The following ALG6 variants were observed in gnomAD, a reference collection of about 807,000 sequenced individuals.
The protein encoded by ALG6 is ALG6 alpha-1,3-glucosyltransferase.
A neutral mutation model predicts 66.6 loss-of-function variants in ALG6; 46 were observed. That is an observed-to-expected ratio of 0.69 (90% CI 0.55 to 0.88). The LOEUF (loss-of-function observed/expected upper bound fraction) is 0.88, where lower values mean the gene tolerates loss of function less well. ALG6 is among the 40% of genes least tolerant of loss of function. The pLI is 0.00. For missense variants in ALG6, 505 were observed against 586.8 expected (o/e 0.86, Z 1.44); for synonymous variants, 185 against 203.7 (o/e 0.91, Z 0.78).
At position 63,395,684 on chromosome 1, in the gene ALG6, G is replaced by A. The variant is rs1364285812; in HGVS notation, c.83-829G>A. Among the ~76,000 whole-genome samples the A allele has an allele frequency of 1.3e-5, 2 of 152,188 alleles. 1 individual carries two copies. Among genetic ancestry groups the A allele is most frequent in the Non-Finnish European group, 2.9e-5 (2 of 68,032 alleles). ...CACTCCAGCCTGGGTGACAGAGCAT[G>A]ACTCTGTCTCAAAAAAAAGTCCTTT... On this transcript the variant is annotated intron_variant, in intron 2 of 14. Transcript: ENST00000263440.
rs943684243 is a variant in ALG6 at position 63,412,142 on chromosome 1, G to T, written c.816+81G>T. On this transcript the variant is annotated intron_variant, in intron 9 of 14. Transcript: ENST00000263440. ...AGGGGTTTCATGTAGAAGGTACAAG[G>T]AATAGGAACTTCAGCTACTTTCCTC... The T allele has an allele frequency of 1.4e-5, 22 of 1,581,582 alleles. No individual in the cohort carries two copies. The African/African-American group carries it at 3.0e-4, about 21-fold the overall frequency.
At chr1:63,417,913 A>T (rs1644553033) in intron 11 of ALG6, among the ~76,000 whole-genome samples, 1 of 152,152 alleles carries the variant, frequency 6.6e-6, no homozygotes, top group South Asian at 2.1e-4. Flanking sequence ...AGGCAGGTGG[A>T]TCACCTGAGG....
intron 3 of ALG6, among the ~76,000 whole-genome samples, chr1:63,401,413 C>G (rs916980592): frequency 6.6e-6 from 1 of 152,060 alleles, no homozygotes; most frequent in Non-Finnish European, 1.5e-5. Flanking sequence ...CCCCTGTAAT[C>G]GCAGCACTTT....
chr1:63,431,032 A>G (rs894525447), intron 14 of ALG6, among the ~76,000 whole-genome samples: 1 of 151,832 alleles, frequency 6.6e-6, no homozygotes, highest in Admixed American at 6.6e-5. Flanking sequence ...TATGCCTTTG[A>G]GTTGCTTTGA....
chr1:63,423,841 A>T (rs1313729942), intron 12 of ALG6, among the ~76,000 whole-genome samples: 1 of 152,216 alleles, frequency 6.6e-6, no homozygotes. Flanking sequence ...TCAGGAGTAG[A>T]ATTGCTGAGT....
intron 14 of ALG6, among the ~76,000 whole-genome samples, chr1:63,430,902 T>G (rs1247656198): frequency 6.6e-6 from 1 of 152,224 alleles, no homozygotes; most frequent in Non-Finnish European, 1.5e-5. Context: ...TAACATCCAG[T>G]ATATCTATTT....
At chr1:63,370,729 C>T (rs1258303706) in intron 1 of ALG6, 42 bp from the exon 2 acceptor site, 1 of 499,282 alleles carries the variant, frequency 2.0e-6, no homozygotes. Context: ...GTTGTAGGTA[C>T]TGTACTCAGC....
intron 2 of ALG6, among the ~76,000 whole-genome samples, chr1:63,382,744 C>T (rs1236625075): frequency 2.0e-5 from 3 of 147,514 alleles, no homozygotes; most frequent in Non-Finnish European, 4.5e-5. Context: ...AGCGCGATCT[C>T]GGCTCACTGC....
intron 3 of ALG6, among the ~76,000 whole-genome samples, chr1:63,397,317 C>G (rs1324662175): frequency 6.6e-6 from 1 of 152,020 alleles, no homozygotes; most frequent in East Asian, 1.9e-4. Context: ...TCCCAAGTAT[C>G]TGGGATTGCA....
intron 8 of ALG6, among the ~76,000 whole-genome samples, 162 bp from the exon 9 acceptor site, chr1:63,411,764 T>C (rs980654857): frequency 3.3e-5 from 5 of 152,222 alleles, no homozygotes; most frequent in African/African-American, 1.2e-4. Flanking sequence ...TTGTGAATTT[T>C]TTACCTCTGA....
chr1:63,385,239 A>T (rs1648466144), intron 2 of ALG6, among the ~76,000 whole-genome samples: 1 of 114,182 alleles, frequency 8.8e-6, no homozygotes, highest in Admixed American at 1.3e-4. Flanking sequence ...TCGCTCTGTC[A>T]CCCAGGCTGG....
intron 4 of ALG6, among the ~76,000 whole-genome samples, 176 bp from the exon 5 acceptor site, chr1:63,404,277 G>A (rs1052121253): frequency 6.6e-6 from 1 of 152,130 alleles, no homozygotes; most frequent in African/African-American, 2.4e-5. Context: ...CTGTTTTATA[G>A]CTTAAGTCAG....
intron 3 of ALG6, 100 bp downstream of exon 3, chr1:63,396,697 C>T (rs1302632331): frequency 9.5e-7 from 1 of 1,057,718 alleles, no homozygotes; most frequent in African/African-American, 1.6e-5. Flanking sequence ...TCTTGAACAT[C>T]CTCATCTCTT....
intron 3 of ALG6, among the ~76,000 whole-genome samples, chr1:63,398,974 G>T (rs540320786): frequency 8.2e-4 from 125 of 152,320 alleles, no homozygotes; most frequent in Non-Finnish European, 1.3e-3. Flanking sequence ...TTTGGGCACA[G>T]CTTAGCTAGG....
intron 4 of ALG6, 117 bp downstream of exon 4, chr1:63,402,460 ATT>A (rs760751565): frequency 0.066 from 16,854 of 253,716 alleles, 1 homozygote; most frequent in South Asian, 0.081. Context: ...CTGCTATTGT[ATT>A]TTTTTTTTTT....
chr1:63,399,003 G>A (rs1048941132), intron 3 of ALG6, among the ~76,000 whole-genome samples: 4 of 152,088 alleles, frequency 2.6e-5, no homozygotes, highest in African/African-American at 7.2e-5. Context: ...TCAGAGTTTC[G>A]GGAAGGCTAT....
At chr1:63,378,079 C>A (rs1354637284) in intron 2 of ALG6, among the ~76,000 whole-genome samples, 1 of 152,090 alleles carries the variant, frequency 6.6e-6, no homozygotes, top group East Asian at 1.9e-4. Context: ...TTAGCATTTT[C>A]TGTTCACCCT....
At chr1:63,399,214 G>A (rs1644431167) in intron 3 of ALG6, among the ~76,000 whole-genome samples, 1 of 152,226 alleles carries the variant, frequency 6.6e-6, no homozygotes, top group African/African-American at 2.4e-5. Flanking sequence ...ACATGGCCAT[G>A]CACTAAAATA....
chr1:63,388,887 G>A (rs1237571980), intron 2 of ALG6, among the ~76,000 whole-genome samples: 1 of 151,692 alleles, frequency 6.6e-6, no homozygotes, highest in East Asian at 1.9e-4. Flanking sequence ...CTTTAAATAT[G>A]TTGTGCCATT....
Sources: gnomAD v4.1 joint callset for allele counts (sites outside exome capture counted in the v4.1 genomes callset) on GRCh38, gnomAD v4.1.1 for gene constraint, MANE v1.5 for transcripts, NCBI Gene and HGNC (gene_info 2026-07-23, HGNC 2026-07-21) for gene names.